The following ACSM1 variants were observed in gnomAD, a reference collection of about 807,000 sequenced individuals.
ACSM1 encodes acyl-CoA synthetase medium chain family member 1.
ACSM1 carries 79 observed loss-of-function variants against 75.8 expected under a neutral mutation model. That is an observed-to-expected ratio of 1.04 (90% CI 0.87 to 1.26). The LOEUF is 1.26. Ranked by LOEUF, ACSM1 falls within the 50% of genes most tolerant of loss-of-function variation. The probability of loss-of-function intolerance (pLI) is 0.00; values close to 1 mark genes in which losing one functional copy is unlikely to be tolerated. For missense variants in ACSM1, 676 were observed against 720.1 expected, an observed-to-expected ratio of 0.94 and a Z score of 0.70; for synonymous variants, 279 against 265.8, an observed-to-expected ratio of 1.05 and a Z score of -0.48.
intron 7 of ACSM1, among the ~76,000 whole-genome samples, chr16:20,650,264 C>G (rs185391972): frequency 1.6e-4 from 24 of 152,240 alleles, no homozygotes; most frequent in African/African-American, 4.6e-4. Context: ...AGTGCATTTG[C>G]ATGAGGAACT....
At chr16:20,650,950 G>A (rs2018612477) in intron 7 of ACSM1, among the ~76,000 whole-genome samples, 1 of 152,060 alleles carries the variant, frequency 6.6e-6, no homozygotes, top group Non-Finnish European at 1.5e-5. Context: ...GGATCTAACC[G>A]CTTTTTGCAA....
chr16:20,671,580 T>C lies in ACSM1; in HGVS notation c.703A>G (p.Met235Val), dbSNP rs2019906754. The change falls in exon 5 of 14, where the codon ATG becomes GTG. Residue 235 changes from methionine to valine, a missense_variant. Coordinates refer to ENST00000520010, the MANE Select transcript of ACSM1 (RefSeq NM_001318890.3). The stretch of plus-strand genomic sequence containing the variant: ...GCCAACCCATGGGAGTGTTTTGCCA[T>C]CTTGGGGAAGCCTGTGGTCCCACTG... ...FTSGTTGFPKMAKHSHGLALQ... is the reference protein window; with the variant it reads ...FTSGTTGFPKVAKHSHGLALQ... The C allele has an allele frequency of 6.2e-7, 1 of 1,613,776 alleles. No homozygotes were observed. The highest frequency in any genetic ancestry group is 8.5e-7 in the Non-Finnish European group (1 of 1,179,860).
intron 7 of ACSM1, among the ~76,000 whole-genome samples, chr16:20,642,111 A>T (rs2018096474): frequency 1.3e-5 from 2 of 152,206 alleles, no homozygotes; most frequent in South Asian, 4.1e-4. Context: ...AGAGATTTTT[A>T]AAAAGTATAT....
chr16:20,683,898 G>C (rs1416054620), intron 3 of ACSM1, among the ~76,000 whole-genome samples: 3 of 151,926 alleles, frequency 2.0e-5, no homozygotes, highest in Non-Finnish European at 4.4e-5. Context: ...CCATCTTATA[G>C]GTCTACAGAT....
chr16:20,659,129 AT>A (rs1221195245), intron 7 of ACSM1, among the ~76,000 whole-genome samples: 1 of 152,150 alleles, frequency 6.6e-6, no homozygotes, highest in Non-Finnish European at 1.5e-5. Flanking sequence ...CTGATCTGGG[AT>A]TTTTTTGTAA....
chr16:20,649,847 C>T (rs954743314), intron 7 of ACSM1, among the ~76,000 whole-genome samples: 1 of 152,184 alleles, frequency 6.6e-6, no homozygotes, highest in Non-Finnish European at 1.5e-5. Flanking sequence ...CGTATGTTCT[C>T]AGGACCTCCT....
chr16:20,640,722 G>T, intron 7 of ACSM1, 138 bp from the exon 8 acceptor site: 1 of 1,426,208 alleles, frequency 7.0e-7, no homozygotes, highest in Non-Finnish European at 9.3e-7. Context: ...TTTACAGTTG[G>T]CCATGGCCAA....
intron 8 of ACSM1, 41 bp downstream of exon 8, chr16:20,640,420 T>C (rs1374786226): frequency 3.7e-5 from 59 of 1,610,826 alleles, no homozygotes; most frequent in Non-Finnish European, 5.0e-5. Context: ...TTTAAATTAA[T>C]TGAGACCTGT....
At chr16:20,643,183 G>C (rs774740034) in intron 7 of ACSM1, among the ~76,000 whole-genome samples, 2 of 152,214 alleles carry the variant, frequency 1.3e-5, no homozygotes, top group African/African-American at 2.4e-5. Flanking sequence ...GGTTGTTAGA[G>C]AGCCCTTTTC....
intron 2 of ACSM1, among the ~76,000 whole-genome samples, chr16:20,686,973 T>C (rs1280067604): frequency 6.9e-6 from 1 of 144,232 alleles, no homozygotes; most frequent in Non-Finnish European, 1.5e-5. Flanking sequence ...GTAGAAAATT[T>C]TGTGATTTTT....
chr16:20,657,184 G>A (rs2152248899), intron 7 of ACSM1, among the ~76,000 whole-genome samples: 1 of 152,260 alleles, frequency 6.6e-6, no homozygotes, highest in East Asian at 1.9e-4. Flanking sequence ...CTGTAAGTAT[G>A]TAACAGAAAC....
intron 11 of ACSM1, among the ~76,000 whole-genome samples, chr16:20,626,462 T>C (rs1223969835): frequency 6.6e-6 from 1 of 152,036 alleles, no homozygotes; most frequent in South Asian, 2.1e-4. Context: ...AAAAATCATG[T>C]AGGGGTAGGG....
intron 4 of ACSM1, chr16:20,679,332 A>T (rs554509581): frequency 6.6e-6 from 1 of 152,242 alleles, no homozygotes; most frequent in Non-Finnish European, 1.5e-5. Flanking sequence ...ACCACACTGG[A>T]GGCTGGTCAG....
intron 6 of ACSM1, among the ~76,000 whole-genome samples, chr16:20,664,147 G>GTATGTATTTATT (rs143982261): frequency 6.9e-6 from 1 of 145,520 alleles, no homozygotes; most frequent in African/African-American, 2.5e-5. Flanking sequence ...AAATTGAATA[G>GTATGTATTTATT]TATTTATTTA....
intron 4 of ACSM1, among the ~76,000 whole-genome samples, chr16:20,675,760 C>T (rs2020240760): frequency 6.6e-6 from 1 of 152,176 alleles, no homozygotes; most frequent in South Asian, 2.1e-4. Flanking sequence ...CCAGGGCATT[C>T]AGACCTAGTC....
intron 10 of ACSM1, among the ~76,000 whole-genome samples, chr16:20,634,323 C>T (rs1425200727): frequency 2.6e-5 from 4 of 152,102 alleles, no homozygotes; most frequent in Admixed American, 6.5e-5. Context: ...ACCATGGAAC[C>T]CAGCAATTCC....
chr16:20,640,507 C>G lies in ACSM1; in HGVS notation c.1070G>C (p.Arg357Thr), dbSNP rs1186104327. 3 of 1,614,068 alleles carry G rather than the reference C, an allele frequency of 1.9e-6. No individual in the cohort carries two copies. The highest frequency in any genetic ancestry group is 2.5e-6 in the Non-Finnish European group (3 of 1,180,030). Residue 357 changes from arginine to threonine, a missense_variant, in exon 8 of 14, where the codon AGA becomes ACA. By Grantham distance (71) the Arg-to-Thr change is moderately conservative. Coordinates refer to ENST00000520010, the MANE Select transcript of ACSM1 (RefSeq NM_001318890.3). ...CTCGTAGAGCAGAAGGCCCGTCCGT[C>G]TTTTCCACTCCTCCTGATCCTTGGG... ...VLPKDQEEWK[R>T]RTGLLLYENY...
At position 20,685,191 on chromosome 16, in the gene ACSM1, A is replaced by T; in HGVS notation, c.403+2T>A. 6.2e-7 allele frequency: 1 copy of T among 1,614,012 alleles called. No homozygotes were observed. The highest frequency in any genetic ancestry group is 8.5e-7 in the Non-Finnish European group (1 of 1,179,994). On this transcript the variant is annotated splice_donor_variant, in intron 3 of 13. Transcript: ENST00000520010. LOFTEE classifies it high-confidence loss of function. ...CCACCAGGTCCCTCTTGCATCACTG[A>T]CCTGTTCGCATGCAGCCCACAGCCA...
intron 7 of ACSM1, among the ~76,000 whole-genome samples, chr16:20,658,494 T>A (rs982539054): frequency 6.6e-6 from 1 of 151,662 alleles, no homozygotes; most frequent in Admixed American, 6.5e-5. Flanking sequence ...CTAGAAGTAA[T>A]CAATGCCTGT....
Sources: gnomAD v4.1 joint callset for allele counts (sites outside exome capture counted in the v4.1 genomes callset) on GRCh38, gnomAD v4.1.1 for gene constraint, MANE v1.5 for transcripts, NCBI Gene and HGNC (gene_info 2026-07-23, HGNC 2026-07-21) for gene names.